Variants in GPC6 observed in about 807,000 individuals in gnomAD.
GPC6 encodes glypican-6.
GPC6 carries 14 observed loss-of-function variants against 55.2 expected under a neutral mutation model. The ratio of observed to expected loss-of-function variants is 0.25; its 90% CI spans 0.17 to 0.40. The LOEUF is 0.40. Ranked by LOEUF, GPC6 falls within the 10% of genes least tolerant of loss-of-function variation. GPC6 has a pLI of 1.00. For synonymous variants in GPC6, 278 were observed against 259.6 expected (o/e 1.07, Z -0.68); for missense variants, 641 against 708.5 (o/e 0.90, Z 1.08).
chr13:93,583,069 G>A (rs1490068248), intron 2 of GPC6, among the ~76,000 whole-genome samples: 1 of 152,202 alleles, frequency 6.6e-6, no homozygotes, highest in African/African-American at 2.4e-5. Flanking sequence ...GATCAGTGAA[G>A]AGCACCCCAG....
At chr13:93,365,172 C>A (rs1377153404) in intron 1 of GPC6, among the ~76,000 whole-genome samples, 1 of 152,086 alleles carries the variant, frequency 6.6e-6, no homozygotes, top group Non-Finnish European at 1.5e-5. Flanking sequence ...CAGTAAACTG[C>A]AAGTTTATCC....
At chr13:94,055,001 A>G (rs1884082203) in intron 4 of GPC6, among the ~76,000 whole-genome samples, 1 of 152,174 alleles carries the variant, frequency 6.6e-6, no homozygotes, top group Non-Finnish European at 1.5e-5. Context: ...TATTTGAAAA[A>G]TGACTAGAAG....
intron 4 of GPC6, among the ~76,000 whole-genome samples, chr13:94,097,373 G>A (rs1210741678): frequency 6.6e-6 from 1 of 152,008 alleles, no homozygotes; most frequent in Non-Finnish European, 1.5e-5. Flanking sequence ...TGGGCGTGGT[G>A]GCGGGCGCCT....
chr13:93,610,871 G>C (rs933557264), intron 2 of GPC6, among the ~76,000 whole-genome samples: 16 of 151,900 alleles, frequency 1.1e-4, no homozygotes, highest in African/African-American at 3.9e-4. Flanking sequence ...TTATGATTGG[G>C]AAAACACTCA....
chr13:93,769,921 GT>G (rs1885238206), intron 2 of GPC6, among the ~76,000 whole-genome samples: 1 of 152,156 alleles, frequency 6.6e-6, no homozygotes, highest in South Asian at 2.1e-4. Context: ...TTAAATCTCT[GT>G]ATTTATTTGC....
intron 1 of GPC6, among the ~76,000 whole-genome samples, chr13:93,328,474 G>A (rs1879731241): frequency 6.6e-6 from 1 of 152,010 alleles, no homozygotes; most frequent in Non-Finnish European, 1.5e-5. Context: ...AGGAGTTCGA[G>A]ACCAGCCTGG....
chr13:93,519,857 C>T (rs1421982252), intron 1 of GPC6, among the ~76,000 whole-genome samples: 1 of 151,930 alleles, frequency 6.6e-6, no homozygotes, highest in Admixed American at 6.6e-5. Context: ...GAAAATTCAA[C>T]GTCTTTAAAA....
At chr13:93,627,730 C>T (rs999989321) in intron 2 of GPC6, among the ~76,000 whole-genome samples, 5 of 152,174 alleles carry the variant, frequency 3.3e-5, no homozygotes, top group Admixed American at 6.5e-5. Flanking sequence ...TTTTACAGTG[C>T]TGTGCATCTA....
chr13:94,353,590 C>T (rs73551890), intron 6 of GPC6, among the ~76,000 whole-genome samples: 17,352 of 150,782 alleles, frequency 0.12, 1,166 homozygotes, highest in East Asian at 0.31. Flanking sequence ...TATATATATA[C>T]ACACACACAC....
intron 4 of GPC6, among the ~76,000 whole-genome samples, chr13:94,108,215 G>C (rs987242692): frequency 6.6e-6 from 1 of 152,020 alleles, no homozygotes; most frequent in East Asian, 1.9e-4. Context: ...CCATAAAAAA[G>C]GAATGAATTA....
intron 4 of GPC6, among the ~76,000 whole-genome samples, chr13:94,201,144 G>A (rs1405769460): frequency 6.6e-6 from 1 of 152,196 alleles, no homozygotes; most frequent in Non-Finnish European, 1.5e-5. Flanking sequence ...GAATGTTCTG[G>A]CTTTGGGTTT....
At chr13:93,239,731 T>C (rs1041364524) in intron 1 of GPC6, among the ~76,000 whole-genome samples, 4 of 152,036 alleles carry the variant, frequency 2.6e-5, no homozygotes, top group Non-Finnish European at 5.9e-5. Flanking sequence ...GGTTGTCAAT[T>C]TGTGATCTTT....
intron 2 of GPC6, 100 bp from the exon 3 acceptor site, chr13:93,830,054 C>T (rs1887423530): frequency 3.9e-6 from 3 of 764,834 alleles, no homozygotes; most frequent in South Asian, 1.8e-5. Context: ...TATGTTTTTC[C>T]ATGAAAATGT....
chr13:93,325,631 C>T (rs758650480), intron 1 of GPC6, among the ~76,000 whole-genome samples: 11 of 152,090 alleles, frequency 7.2e-5, no homozygotes, highest in Non-Finnish European at 1.3e-4. Context: ...ATGATCACTA[C>T]TGGGGCAATG....
At chr13:94,341,903 A>G (rs894307168) in intron 6 of GPC6, among the ~76,000 whole-genome samples, 18 of 152,234 alleles carry the variant, frequency 1.2e-4, no homozygotes, top group African/African-American at 4.3e-4. Context: ...TCAAAGGTAA[A>G]TAAGTTATGT....
intron 4 of GPC6, among the ~76,000 whole-genome samples, chr13:94,129,487 C>A (rs916599339): frequency 6.6e-6 from 1 of 152,136 alleles, no homozygotes; most frequent in Non-Finnish European, 1.5e-5. Flanking sequence ...GTAACAGCAG[C>A]AGTAGCAGCA....
At chr13:93,947,477 T>C (rs973201657) in intron 3 of GPC6, among the ~76,000 whole-genome samples, 16 of 152,050 alleles carry the variant, frequency 1.1e-4, no homozygotes, top group Non-Finnish European at 1.5e-5. Flanking sequence ...TGAAAAACAG[T>C]TGATGGATAG....
At chr13:93,953,461 C>G (rs1438038448) in intron 3 of GPC6, among the ~76,000 whole-genome samples, 2 of 152,132 alleles carry the variant, frequency 1.3e-5, no homozygotes, top group East Asian at 3.9e-4. Context: ...AATTGCCTCT[C>G]CATAAATAAG....
upstream of GPC6, chr13:93,226,716 C>G (rs1469442248): frequency 6.6e-6 from 1 of 152,058 alleles, no homozygotes; most frequent in East Asian, 1.9e-4. Context: ...CCCTTTCTAC[C>G]GACTAGGAAG....
Sources: allele counts gnomAD v4.1 joint callset (sites outside exome capture counted in the v4.1 genomes callset), GRCh38; gene constraint gnomAD v4.1.1; transcripts MANE v1.5; gene names NCBI Gene and HGNC (gene_info 2026-07-23, HGNC 2026-07-21).